Variants in ABCC10 observed in about 807,000 individuals in gnomAD.
ABCC10 encodes the protein ATP binding cassette subfamily C member 10, also known as ATP-binding cassette sub-family C member 10.
A neutral mutation model predicts 143.2 loss-of-function variants in ABCC10; 110 were observed. The observed-to-expected ratio is 0.77, with a 90% CI of 0.66 to 0.90. The LOEUF (loss-of-function observed/expected upper bound fraction) is 0.90. Ranked by LOEUF, ABCC10 falls within the 40% of genes least tolerant of loss-of-function variation. The probability of loss-of-function intolerance (pLI) is 0.00; values close to 1 mark genes in which losing one functional copy is unlikely to be tolerated. For synonymous variants in ABCC10, 805 were observed against 846.7 expected (o/e 0.95, Z 0.85); for missense variants, 1,700 against 1,900.5 (o/e 0.89, Z 1.96).
At chr6:43,435,128 T>C (rs1781549734) in intron 4 of ABCC10, 2 of 371,540 alleles carry the variant, frequency 5.4e-6, no homozygotes, top group Non-Finnish European at 9.7e-6. Context: ...TCTAATGGCC[T>C]TAGGAAAAAA....
At position 43,427,545 on chromosome 6, in the gene ABCC10, T is replaced by C. The variant is rs1330456582; in HGVS notation, c.-224T>C. On this transcript the variant is annotated 5_prime_UTR_variant, in exon 1 of 22. Coordinates refer to ENST00000372530, the MANE Select transcript of ABCC10 (RefSeq NM_001198934.2). The stretch of plus-strand genomic sequence containing the variant: ...GTGCACATGCGTGCAGCTACCAGCA[T>C]ATGGGCGTGGCGAATAGCGCCGGCT... 1.4e-5 allele frequency: 4 copies of C among 288,770 alleles called. No homozygotes were observed. The highest frequency in any genetic ancestry group is 9.1e-5 in the African/African-American group (4 of 43,990). The allele number at this position is 288,770 out of a possible 1,614,324, so 17.9% of individuals were successfully genotyped here.
In ABCC10 at chr6:43,428,115, G is replaced by C; in HGVS notation, c.137G>C (p.Ser46Thr). 1.3e-6 allele frequency: 2 copies of C among 1,544,776 alleles called. No individual in the cohort carries two copies. The highest frequency in any genetic ancestry group is 1.7e-6 in the Non-Finnish European group (2 of 1,146,628). ...CCCCACGCGCTCCTCGCCGTGCTCA[G>C]TGCCTGTTACTTGGGCACCCCGAGG... ...ALPHALLAVLSACYLGTPRSP... is the reference protein window; with the variant it reads ...ALPHALLAVLTACYLGTPRSP... Residue 46 changes from serine (S) to threonine (T), a missense_variant, in exon 2 of 22, where the codon AGT becomes ACT. By Grantham distance (58) the Ser-to-Thr change is moderately conservative. Coordinates refer to ENST00000372530, the MANE Select transcript of ABCC10 (RefSeq NM_001198934.2).
rs539893819 is a variant in ABCC10, at chr6:43,427,747, C to T, written c.-22C>T. 1 of 597,598 alleles carries T rather than the reference C, an allele frequency of 1.7e-6. No individual in the cohort carries two copies. The highest frequency in any genetic ancestry group is 1.9e-5 in the African/African-American group (1 of 53,974). 37.0% of individuals were successfully genotyped at this position (597,598 alleles called of 1,614,324 possible). The stretch of plus-strand genomic sequence containing the variant: ...GGGCGGAGAAACGGGAGGGGAAAAA[C>T]AGATGGCAAGGTGGGTGACCAGCGT... On this transcript the variant is annotated 5_prime_UTR_variant, in exon 1 of 22. It introduces an in-frame stop codon into an upstream open reading frame of the 5' UTR. Transcript: ENST00000372530.
In ABCC10 at chr6:43,432,587, C is replaced by T. The variant is rs866559994; in HGVS notation, c.607C>T (p.Pro203Ser). ...ACCACGAGAACCCTGGGCTCAGGAGCCCCTCCTGCCCGAGGATCAAGAACC... is the reference window on the plus strand; with the variant it reads ...ACCACGAGAACCCTGGGCTCAGGAGTCCCTCCTGCCCGAGGATCAAGAACC... ...GGPREPWAQEPLLPEDQEPEV... is the reference protein window; with the variant it reads ...GGPREPWAQESLLPEDQEPEV... Residue 203 changes from proline to serine, a missense_variant, in exon 3 of 22, where the codon CCC (proline) becomes TCC (serine). Transcript: ENST00000372530. 7 of 1,613,606 alleles carry T rather than the reference C, an allele frequency of 4.3e-6. No individual in the cohort carries two copies. In the African/African-American group the frequency reaches 8.0e-5, roughly 18 times the overall value.
rs138637188 is a variant in ABCC10 at position 43,437,947 on chromosome 6, G to A, written c.1889G>A (p.Gly630Asp). ...GCTTCCTTGCAGGGTATGCTGGTGGGCATCGTGGGGAAGGTCGGCTGTGGG... is the reference window on the plus strand; with the variant it reads ...GCTTCCTTGCAGGGTATGCTGGTGGACATCGTGGGGAAGGTCGGCTGTGGG... ...HLEVKKGMLVGIVGKVGCGKS... is the reference protein window; with the variant it reads ...HLEVKKGMLVDIVGKVGCGKS... The change falls in exon 7 of 22, where the codon GGC (glycine) becomes GAC (aspartate). Residue 630 changes from glycine (G) to aspartate (D), a missense_variant. Transcript: ENST00000372530. The A allele has an allele frequency of 1.7e-5, 27 of 1,612,776 alleles. No individual in the cohort carries two copies. The highest frequency in any genetic ancestry group is 1.9e-5 in the Non-Finnish European group (22 of 1,179,622).
rs759595963 is a variant in ABCC10 at position 43,437,935 on chromosome 6, G to A, written c.1877G>A (p.Gly626Asp). 7.4e-6 allele frequency: 12 copies of A among 1,612,518 alleles called. No homozygotes were observed. The highest frequency in any genetic ancestry group is 1.0e-5 in the Non-Finnish European group (12 of 1,179,470). ...GATGCTTGTGTGGCTTCCTTGCAGG[G>A]TATGCTGGTGGGCATCGTGGGGAAG... The part of the protein sequence containing the change: ...TFISHLEVKK[G>D]MLVGIVGKVG... The change falls in exon 7 of 22, where the codon GGT becomes GAT. Residue 626 changes from glycine (G) to aspartate (D), a missense_variant and splice_region_variant. Coordinates refer to ENST00000372530, the MANE Select transcript of ABCC10 (RefSeq NM_001198934.2).
downstream of ABCC10, chr6:43,451,942 T>C (rs1783774396): frequency 6.2e-7 from 1 of 1,613,978 alleles, no homozygotes; most frequent in Non-Finnish European, 8.5e-7. This position sits in a 1 kb window ranked among gnomAD's most constrained non-coding sequence, Gnocchi z 4.4. Context: ...GCACTCACCC[T>C]GCCTGTTCAC....
chr6:43,450,977 G>A, downstream of ABCC10: 1 of 1,614,238 alleles, frequency 6.2e-7, no homozygotes, highest in Non-Finnish European at 8.5e-7. This position sits in a 1 kb window ranked among gnomAD's most constrained non-coding sequence, Gnocchi z 4.5. Flanking sequence ...AGCCACTGGG[G>A]CAGAGGCAGT....
intron 7 of ABCC10, chr6:43,438,388 G>A: frequency 1.4e-6 from 2 of 1,423,586 alleles, no homozygotes; most frequent in South Asian, 1.6e-5. Flanking sequence ...CTCCTGAACA[G>A]ATGTAAGTAC....
rs779976879 is a variant in ABCC10, at chr6:43,443,056, C to T, written c.2313C>T (p.Gly771=). 1.9e-6 allele frequency: 3 copies of T among 1,613,140 alleles called. No homozygotes were observed. In the South Asian group the frequency reaches 3.3e-5, roughly 18 times the overall value. ...ANHLLHRCIL[G]MLSYTTRLLC... is the part of the protein sequence containing the mutation. ...ACCTGCTGCACAGGTGCATCCTGGG[C>T]ATGCTGAGCTACACCACACGGCTGC... The change falls in exon 10 of 22, where the codon GGC becomes GGT. Residue 771 remains glycine, a synonymous_variant. Transcript: ENST00000372530. This position sits in a 1 kb window ranked among gnomAD's most constrained non-coding sequence, Gnocchi z 4.2.
In ABCC10 at chr6:43,435,792, T is replaced by G. The variant is rs755522187; in HGVS notation, c.1650T>G (p.Pro550=). The part of the protein sequence containing the change: ...ALALVRMLIL[P]LNNFPWVING... ...CACTGGTGCGAATGCTCATTCTTCC[T>G]CTCAACAACTTCCCTTGGGTGATCA... The change falls in exon 5 of 22, where the codon CCT becomes CCG. Residue 550 remains proline, a synonymous_variant. Coordinates refer to ENST00000372530, the MANE Select transcript of ABCC10 (RefSeq NM_001198934.2). 3 of 1,614,088 alleles carry G rather than the reference T, an allele frequency of 1.9e-6. No homozygotes were observed. Among genetic ancestry groups the G allele is most frequent in the Admixed American group, 1.7e-5 (1 of 60,006 alleles).
At position 43,443,051 on chromosome 6, in the gene ABCC10, C is replaced by G. The variant is rs540318746; in HGVS notation, c.2308C>G (p.Leu770Val). Residue 770 changes from leucine to valine, a missense_variant, in exon 10 of 22, where the codon CTG becomes GTG. Leu to Val is a conservative substitution (Grantham distance 32). Coordinates refer to ENST00000372530, the MANE Select transcript of ABCC10 (RefSeq NM_001198934.2). This position sits in a 1 kb window ranked among gnomAD's most constrained non-coding sequence, Gnocchi z 4.2. The part of the protein sequence containing the change: ...VANHLLHRCI[L>V]GMLSYTTRLL... ...CAACCACCTGCTGCACAGGTGCATC[C>G]TGGGCATGCTGAGCTACACCACACG... The G allele has an allele frequency of 1.5e-5, 24 of 1,613,206 alleles. No homozygotes were observed. In the South Asian group the frequency reaches 2.5e-4, roughly 17 times the overall value.
Position 43,449,203 on chromosome 6 carries a change from A to G in ABCC10, c.4202A>G (p.Lys1401Arg), listed in dbSNP as rs772941955. The G allele has an allele frequency of 5.0e-6, 8 of 1,613,628 alleles. No individual in the cohort carries two copies. Among genetic ancestry groups the G allele is most frequent in the Admixed American group, 1.7e-5 (1 of 59,972 alleles). The change falls in exon 20 of 22, where the codon AAG (lysine) becomes AGG (arginine). Residue 1401 changes from lysine to arginine, a missense_variant and splice_region_variant. Lys to Arg is a conservative substitution (Grantham distance 26, BLOSUM62 2). Transcript: ENST00000372530. Reference protein sequence around the residue: ...CLARALLTDAKILCIDEATAS... With the variant: ...CLARALLTDARILCIDEATAS... ...GCCAGGGCTCTCCTCACAGATGCCA[A>G]GGTAAGGTGAGAGAAAGAGACATTA...
At chr6:43,446,065 A>G in intron 15 of ABCC10, 123 bp downstream of exon 15, 4 of 1,239,104 alleles carry the variant, frequency 3.2e-6, no homozygotes, top group Non-Finnish European at 4.4e-6. Flanking sequence ...ATGGGGAAGG[A>G]GGAAAGCAAC....
chr6:43,446,879 G>A (rs868803229), intron 16 of ABCC10: 33 of 1,062,332 alleles, frequency 3.1e-5, no homozygotes, highest in East Asian at 8.0e-5. Flanking sequence ...ATGGAGTCTC[G>A]CTCTGTTGCC....
Position 43,429,372 on chromosome 6 carries a change from T to TGTGTGTGTGTG in ABCC10, c.161+1233_161+1234insGTGTGTGTGTG, listed in dbSNP as rs1554200963. On this transcript the variant is annotated intron_variant, in intron 2 of 21. Transcript: ENST00000372530. ...TTCTTTTCTTTCTTTCTTTTCTTTCTTGTGTGTGTGTGTGTGTGTGTGTGT... is the reference window on the plus strand; with the variant it reads ...TTCTTTTCTTTCTTTCTTTTCTTTCTGTGTGTGTGTGTGTGTGTGTGTGTGTGTGTGTGTGT... 3.2e-4 allele frequency among the ~76,000 whole-genome samples: 31 copies of TGTGTGTGTGTG among 98,244 alleles called. 1 individual carries two copies. The highest frequency in any genetic ancestry group is 8.2e-4 in the African/African-American group (16 of 19,484). The allele number at this position is 98,244 out of a possible 152,430, so 64.5% of individuals were successfully genotyped here.
intron 3 of ABCC10, among the ~76,000 whole-genome samples, chr6:43,434,142 T>C (rs1781430961): frequency 6.6e-6 from 1 of 152,256 alleles, no homozygotes; most frequent in Non-Finnish European, 1.5e-5. Flanking sequence ...TGTTTGACCC[T>C]GGGCTGTAGT....
chr6:43,435,755 T>A lies in ABCC10; in HGVS notation c.1613T>A (p.Phe538Tyr), dbSNP rs779079010. The A allele has an allele frequency of 6.2e-6, 10 of 1,614,178 alleles. No homozygotes were observed. The highest frequency in any genetic ancestry group is 8.5e-6 in the Non-Finnish European group (10 of 1,179,998). ...MGHQLTATKV[F>Y]TALALVRMLI... is the part of the protein sequence containing the mutation. Reference sequence around the variant, plus strand: ...CCCTGCACCCACCTCACTCAGGTGTTCACGGCCCTGGCACTGGTGCGAATG... The same window carrying A: ...CCCTGCACCCACCTCACTCAGGTGTACACGGCCCTGGCACTGGTGCGAATG... Residue 538 changes from phenylalanine (F) to tyrosine (Y), a missense_variant, in exon 5 of 22, where the codon TTC becomes TAC. Physicochemically the swap from Phe to Tyr is conservative, Grantham distance 22 (BLOSUM62 3). Coordinates refer to ENST00000372530, the MANE Select transcript of ABCC10 (RefSeq NM_001198934.2).
rs1442323518 is a variant in ABCC10 at position 43,447,245 on chromosome 6, C to G, written c.3545-3C>G. On this transcript the variant is annotated splice_region_variant and splice_polypyrimidine_tract_variant and intron_variant, in intron 16 of 21. Coordinates refer to ENST00000372530, the MANE Select transcript of ABCC10 (RefSeq NM_001198934.2). ...CCCAGCAGCTGGTACTTCTCTCCCCCAGGGCTGGTGGGCTTGTCGCTGTCT... is the reference window on the plus strand; with the variant it reads ...CCCAGCAGCTGGTACTTCTCTCCCCGAGGGCTGGTGGGCTTGTCGCTGTCT... 1.9e-6 allele frequency: 3 copies of G among 1,612,456 alleles called. No individual in the cohort carries two copies. The highest frequency in any genetic ancestry group is 2.5e-6 in the Non-Finnish European group (3 of 1,179,580).
Sources: gnomAD v4.1 joint callset for allele counts (sites outside exome capture counted in the v4.1 genomes callset) on GRCh38, gnomAD v4.1.1 for gene constraint, Gnocchi (gnomAD v3.1) non-coding constraint, MANE v1.5 for transcripts, NCBI Gene and HGNC (gene_info 2026-07-23, HGNC 2026-07-21) for gene names.